Variants in UBE2U observed in about 807,000 individuals in gnomAD.
UBE2U encodes ubiquitin conjugating enzyme E2 U.
Under a neutral mutation model 41.2 loss-of-function variants are expected in UBE2U, and 39 were observed. The ratio of observed to expected loss-of-function variants is 0.95; its 90% CI spans 0.73 to 1.24. The LOEUF (loss-of-function observed/expected upper bound fraction) is 1.24, where lower values mean the gene tolerates loss of function less well. UBE2U is among the 50% of genes most tolerant of loss of function. The pLI is 0.00. For missense variants in UBE2U, 336 were observed against 363.1 expected (o/e 0.93, Z 0.61); for synonymous variants, 107 against 117.8 (o/e 0.91, Z 0.60).
chr1:64,204,159 A>T, intron 1 of UBE2U, 43 bp downstream of exon 1: 4 of 1,576,094 alleles, frequency 2.5e-6, no homozygotes, highest in Middle Eastern at 3.4e-4. Flanking sequence ...ATTGTGCAAT[A>T]ATTTTTAAGA....
At chr1:64,246,580 T>A (rs1014658355) in intron 8 of UBE2U, among the ~76,000 whole-genome samples, 2 of 152,064 alleles carry the variant, frequency 1.3e-5, no homozygotes, top group Non-Finnish European at 2.9e-5. Flanking sequence ...TATTTTTAAA[T>A]ACACACGTGG....
chr1:64,221,513 G>A (rs1389633799), intron 6 of UBE2U, among the ~76,000 whole-genome samples: 2 of 152,174 alleles, frequency 1.3e-5, no homozygotes, highest in Admixed American at 6.5e-5. Context: ...TTTAGGAGAA[G>A]ATAAGGTCTA....
chr1:64,250,620 T>C (rs1644991290), intron 8 of UBE2U, among the ~76,000 whole-genome samples: 1 of 152,092 alleles, frequency 6.6e-6, no homozygotes, highest in Non-Finnish European at 1.5e-5. Context: ...ACACATATGT[T>C]TAGTGTGGCA....
chr1:64,263,011 A>T (rs1306147576), intron 9 of UBE2U, among the ~76,000 whole-genome samples: 2 of 151,406 alleles, frequency 1.3e-5, no homozygotes, highest in African/African-American at 4.8e-5. Flanking sequence ...TCATGTTTTT[A>T]TCTGCCTTGT....
intron 6 of UBE2U, among the ~76,000 whole-genome samples, chr1:64,230,477 A>G (rs757861961): frequency 1.6e-4 from 25 of 152,176 alleles, no homozygotes; most frequent in Non-Finnish European, 3.1e-4. Context: ...TCTCCATTCT[A>G]GTCAATTGTT....
chr1:64,214,716 T>A, intron 4 of UBE2U, 99 bp from the exon 5 acceptor site: 1 of 845,860 alleles, frequency 1.2e-6, no homozygotes, highest in East Asian at 2.5e-5. Context: ...ATAGTAAGCA[T>A]TTAATACATG....
chr1:64,250,166 C>T (rs915938709), intron 8 of UBE2U, among the ~76,000 whole-genome samples: 1 of 152,078 alleles, frequency 6.6e-6, no homozygotes, highest in African/African-American at 2.4e-5. Flanking sequence ...ATTTTATAAC[C>T]AGTGAAAAGC....
Position 64,232,621 on chromosome 1 carries a change from A to G in UBE2U, c.567A>G (p.Ser189=), listed in dbSNP as rs1401715048. Residue 189 remains serine, a synonymous_variant, in exon 7 of 10, where the codon TCA becomes TCG. Coordinates refer to ENST00000371077, the MANE Select transcript of UBE2U (RefSeq NM_001366232.2). ...AGACATGGTCCAGAATAGCTACATC[A>G]AAAGCCACAGAATACTACAGAACTC... ...YYQTWSRIAT[S]KATEYYRTPL... The G allele has an allele frequency of 8.7e-6, 14 of 1,613,452 alleles. No homozygotes were observed. The highest frequency in any genetic ancestry group is 1.3e-5 in the African/African-American group (1 of 74,914).
At chr1:64,261,082 T>C (rs1293783540) in intron 9 of UBE2U, among the ~76,000 whole-genome samples, 1 of 152,158 alleles carries the variant, frequency 6.6e-6, no homozygotes, top group Non-Finnish European at 1.5e-5. Flanking sequence ...AAAGAAACAA[T>C]GCTGAGTTGT....
Position 64,232,623 on chromosome 1 carries a change from A to G in UBE2U, c.569A>G (p.Lys190Arg). The change falls in exon 7 of 10, where the codon AAA becomes AGA. Residue 190 changes from lysine to arginine, a missense_variant. Transcript: ENST00000371077. Reference protein sequence around the residue: ...YQTWSRIATSKATEYYRTPLL... With the variant: ...YQTWSRIATSRATEYYRTPLL... ...ACATGGTCCAGAATAGCTACATCAA[A>G]AGCCACAGAATACTACAGAACTCCA... 1 of 1,613,536 alleles carries G rather than the reference A, an allele frequency of 6.2e-7. No homozygotes were observed.
At chr1:64,249,245 G>C (rs1477380755) in intron 8 of UBE2U, among the ~76,000 whole-genome samples, 1 of 151,964 alleles carries the variant, frequency 6.6e-6, no homozygotes, top group Non-Finnish European at 1.5e-5. Context: ...AGGCGCAGTG[G>C]TGGGCACCTG....
At chr1:64,208,874 T>C (rs1264127276) in intron 3 of UBE2U, among the ~76,000 whole-genome samples, 1 of 152,132 alleles carries the variant, frequency 6.6e-6, no homozygotes, top group Non-Finnish European at 1.5e-5. Flanking sequence ...AATATTTGTG[T>C]CCAGAAATAT....
intron 4 of UBE2U, among the ~76,000 whole-genome samples, chr1:64,211,098 A>T (rs1272567135): frequency 6.6e-6 from 1 of 152,230 alleles, no homozygotes; most frequent in African/African-American, 2.4e-5. Context: ...ATAATTATTT[A>T]GATGGTTTCA....
At chr1:64,205,042 C>A (rs1651207452) in intron 1 of UBE2U, among the ~76,000 whole-genome samples, 1 of 152,154 alleles carries the variant, frequency 6.6e-6, no homozygotes, top group African/African-American at 2.4e-5. Flanking sequence ...CCCAGACAAG[C>A]ACTAACATAC....
chr1:64,254,866 G>C (rs531465719), intron 8 of UBE2U, among the ~76,000 whole-genome samples: 2 of 152,050 alleles, frequency 1.3e-5, no homozygotes, highest in East Asian at 1.9e-4. Flanking sequence ...AAAAGAACTA[G>C]AGAACCAAGA....
chr1:64,266,766 C>T (rs930702666), intron 9 of UBE2U, among the ~76,000 whole-genome samples: 3 of 152,090 alleles, frequency 2.0e-5, no homozygotes, highest in Admixed American at 1.3e-4. Context: ...CATCAACTGG[C>T]CCTTAGCAGA....
At chr1:64,222,572 A>C (rs1424725737) in intron 6 of UBE2U, among the ~76,000 whole-genome samples, 1 of 152,202 alleles carries the variant, frequency 6.6e-6, no homozygotes, top group African/African-American at 2.4e-5. Context: ...GAGGCAATGC[A>C]GTCTAGATTT....
chr1:64,239,207 A>G (rs1328150041), intron 7 of UBE2U, among the ~76,000 whole-genome samples: 1 of 151,030 alleles, frequency 6.6e-6, no homozygotes, highest in Non-Finnish European at 1.5e-5. Context: ...CCAGACAAGG[A>G]CAAGACTGGT....
Position 64,232,576 on chromosome 1 carries a change from C to G in UBE2U, c.522C>G (p.Thr174=), listed in dbSNP as rs746645812. 1.2e-6 allele frequency: 2 copies of G among 1,612,222 alleles called. No homozygotes were observed. Among genetic ancestry groups the G allele is most frequent in the Non-Finnish European group, 1.7e-6 (2 of 1,179,226 alleles). ...PRKCIRPIKT[T]SFSDYYQTWS... is the part of the protein sequence containing the mutation. Reference sequence around the variant, plus strand: ...ATATTTTCAGACCAATTAAAACAACCTCATTTAGTGATTACTACCAGACAT... The same window carrying G: ...ATATTTTCAGACCAATTAAAACAACGTCATTTAGTGATTACTACCAGACAT... The change falls in exon 7 of 10, where the codon ACC becomes ACG. Residue 174 remains threonine, a synonymous_variant. Transcript: ENST00000371077.
Sources: gnomAD v4.1 joint callset for allele counts (sites outside exome capture counted in the v4.1 genomes callset) on GRCh38, gnomAD v4.1.1 for gene constraint, MANE v1.5 for transcripts, NCBI Gene and HGNC (gene_info 2026-07-23, HGNC 2026-07-21) for gene names.